Variants in ITFG1 observed in about 807,000 individuals in gnomAD.
ITFG1 encodes the protein integrin alpha FG-GAP repeat containing 1.
Under a neutral mutation model 81.8 loss-of-function variants are expected in ITFG1, and 34 were observed. The observed-to-expected ratio is 0.42, with a 90% CI of 0.32 to 0.55. The LOEUF (loss-of-function observed/expected upper bound fraction) is 0.55. Ranked by LOEUF, ITFG1 falls within the 20% of genes least tolerant of loss-of-function variation. The pLI is 0.17. For synonymous variants in ITFG1, 285 were observed against 270.6 expected, an observed-to-expected ratio of 1.05 and a Z score of -0.52; for missense variants, 672 against 755.4, an observed-to-expected ratio of 0.89 and a Z score of 1.29.
intron 6 of ITFG1, among the ~76,000 whole-genome samples, chr16:47,382,846 TGAG>T (rs757368050): frequency 1.8e-4 from 27 of 152,214 alleles, no homozygotes; most frequent in Non-Finnish European, 2.6e-4. Context: ...TATTAACAAA[TGAG>T]GAGTAAAAAT....
chr16:47,373,869 T>G (rs1968290927), intron 7 of ITFG1, among the ~76,000 whole-genome samples: 1 of 152,230 alleles, frequency 6.6e-6, no homozygotes, highest in African/African-American at 2.4e-5. Context: ...AATTAGTATG[T>G]GACTGCAAAG....
chr16:47,271,130 T>C (rs1347463593), intron 10 of ITFG1, among the ~76,000 whole-genome samples: 4 of 151,988 alleles, frequency 2.6e-5, no homozygotes, highest in African/African-American at 9.7e-5. Flanking sequence ...AAAAATAAAC[T>C]TGACATCATC....
rs1372561782 is a variant in ITFG1 at position 47,155,002 on chromosome 16, C to A, written c.*717G>T. 1.3e-5 allele frequency: 2 copies of A among 152,174 alleles called. No individual in the cohort carries two copies. The highest frequency in any genetic ancestry group is 4.8e-5 in the African/African-American group (2 of 41,434). The allele number at this position is 152,174 out of a possible 1,614,324, so 9.4% of individuals were successfully genotyped here. ...AGATCATCTAAAATATTAATAATGA[C>A]AACTACCACATATTGACCACTTACT... is the stretch of plus-strand genomic sequence containing the variant. On this transcript the variant is annotated 3_prime_UTR_variant, in exon 18 of 18. Transcript: ENST00000320640.
At chr16:47,365,477 CG>C (rs1555512623) in intron 8 of ITFG1, 1 of 256,344 alleles carries the variant, frequency 3.9e-6, no homozygotes, top group Non-Finnish European at 7.5e-6. Flanking sequence ...GTTGTATATA[CG>C]TGAAGAATTT....
At chr16:47,249,583 A>T (rs930158974) in intron 12 of ITFG1, among the ~76,000 whole-genome samples, 6 of 152,224 alleles carry the variant, frequency 3.9e-5, no homozygotes, top group African/African-American at 1.4e-4. Flanking sequence ...GCCTATTCAC[A>T]AATAAAAAGC....
chr16:47,319,532 G>A (rs1287782948), intron 8 of ITFG1, among the ~76,000 whole-genome samples: 1 of 152,144 alleles, frequency 6.6e-6, no homozygotes, highest in East Asian at 1.9e-4. Flanking sequence ...TACTTGGTAC[G>A]CAGATGTGTT....
intron 13 of ITFG1, among the ~76,000 whole-genome samples, chr16:47,230,738 A>C (rs1965807996): frequency 1.3e-5 from 2 of 152,146 alleles, no homozygotes; most frequent in South Asian, 4.1e-4. Flanking sequence ...GCAGAGGTCA[A>C]CTGACAAATT....
intron 8 of ITFG1, among the ~76,000 whole-genome samples, chr16:47,342,396 A>C (rs1350961957): frequency 6.6e-6 from 1 of 152,172 alleles, no homozygotes; most frequent in Non-Finnish European, 1.5e-5. Context: ...ACCCACAGCT[A>C]ATATACTCAA....
At chr16:47,455,920 T>A (rs1251282118) in intron 2 of ITFG1, among the ~76,000 whole-genome samples, 1 of 151,610 alleles carries the variant, frequency 6.6e-6, no homozygotes, top group Non-Finnish European at 1.5e-5. Context: ...CCAGGCAGAC[T>A]AATCAACTGA....
At chr16:47,238,102 T>C (rs923225058) in intron 12 of ITFG1, 94 bp from the exon 13 acceptor site, 3 of 671,974 alleles carry the variant, frequency 4.5e-6, no homozygotes, top group Admixed American at 3.4e-5. Flanking sequence ...TATACTCTAT[T>C]GATTCATAAT....
chr16:47,306,662 A>C (rs996386425), intron 10 of ITFG1, among the ~76,000 whole-genome samples: 8 of 152,058 alleles, frequency 5.3e-5, no homozygotes, highest in African/African-American at 1.7e-4. Flanking sequence ...TAAAAAAAAA[A>C]CTTGAAGAAA....
intron 14 of ITFG1, chr16:47,218,212 C>T (rs982055248): frequency 6.6e-6 from 1 of 152,060 alleles, no homozygotes; most frequent in African/African-American, 2.4e-5. Context: ...GGTTAAAACT[C>T]TAGGCATCTT....
chr16:47,186,164 C>T (rs1036359168), intron 14 of ITFG1, among the ~76,000 whole-genome samples: 104 of 152,156 alleles, frequency 6.8e-4, no homozygotes, highest in African/African-American at 2.3e-3. Flanking sequence ...GATTCACAGC[C>T]GAATTCTACC....
At chr16:47,354,115 C>T (rs1255774394) in intron 8 of ITFG1, among the ~76,000 whole-genome samples, 1 of 152,074 alleles carries the variant, frequency 6.6e-6, no homozygotes, top group Non-Finnish European at 1.5e-5. Context: ...GCAAAAAGAA[C>T]AAAGCTGGGG....
chr16:47,455,625 C>T (rs1969441673), intron 2 of ITFG1, among the ~76,000 whole-genome samples: 1 of 151,162 alleles, frequency 6.6e-6, no homozygotes, highest in African/African-American at 2.4e-5. Context: ...AAAAAGTAGC[C>T]AGGCGTGGTG....
chr16:47,206,022 C>T (rs901806842), intron 14 of ITFG1, among the ~76,000 whole-genome samples: 2 of 152,178 alleles, frequency 1.3e-5, no homozygotes, highest in East Asian at 1.9e-4. Context: ...CCCGCCACCA[C>T]GCCTGGCTAA....
chr16:47,317,639 G>A (rs1448181165), intron 8 of ITFG1: 1 of 152,156 alleles, frequency 6.6e-6, no homozygotes, highest in Non-Finnish European at 1.5e-5. Flanking sequence ...AACCTCAGGA[G>A]GTGGGGCCCA....
At chr16:47,435,154 T>G (rs974535655) in intron 5 of ITFG1, among the ~76,000 whole-genome samples, 1 of 152,128 alleles carries the variant, frequency 6.6e-6, no homozygotes, top group African/African-American at 2.4e-5. Context: ...GTAACAAACA[T>G]GCACATCCTG....
chr16:47,179,701 C>T (rs1196565379), intron 14 of ITFG1, among the ~76,000 whole-genome samples: 1 of 151,902 alleles, frequency 6.6e-6, no homozygotes, highest in Non-Finnish European at 1.5e-5. Flanking sequence ...GTGGTTAATA[C>T]CTTTTAAAAG....
Sources: gnomAD v4.1 joint callset for allele counts (sites outside exome capture counted in the v4.1 genomes callset) on GRCh38, gnomAD v4.1.1 for gene constraint, MANE v1.5 for transcripts, NCBI Gene and HGNC (gene_info 2026-07-23, HGNC 2026-07-21) for gene names.